Variants in PCDH20 observed in about 807,000 individuals in gnomAD.
The protein encoded by PCDH20 is protocadherin 20.
Under a neutral mutation model 39.7 loss-of-function variants are expected in PCDH20, and 18 were observed. That is an observed-to-expected ratio of 0.45 (90% CI 0.31 to 0.67). The LOEUF (loss-of-function observed/expected upper bound fraction) is 0.67. Among genes scored for constraint, PCDH20 ranks in the 30% least tolerant of loss-of-function variants. PCDH20 has a pLI of 0.05. For synonymous variants in PCDH20, 495 were observed against 455.4 expected (o/e 1.09, Z -1.11); for missense variants, 1,161 against 1,167.4 (o/e 0.99, Z 0.08).
chr13:61,411,876 A>G (rs754820708), exon 2 of PCDH20: 1 of 1,614,118 alleles, frequency 6.2e-7, no homozygotes, highest in Admixed American at 1.7e-5. Flanking sequence ...GAAACAAAAC[A>G]AGAGGAGGGT....
At chr13:61,412,472 T>C in exon 2 of PCDH20, 2 of 1,614,194 alleles carry the variant, frequency 1.2e-6, no homozygotes, top group Non-Finnish European at 1.7e-6. Context: ...TCTTCGATGG[T>C]TAGTTCTATT....
exon 2 of PCDH20, chr13:61,411,013 T>TC: frequency 3.5e-6 from 1 of 287,580 alleles, no homozygotes. Flanking sequence ...TTTTTTTTTT[T>TC]TTTAAATACA....
chr13:61,413,691 G>A, exon 2 of PCDH20: 1 of 1,614,072 alleles, frequency 6.2e-7, no homozygotes, highest in Non-Finnish European at 8.5e-7. Context: ...GCTCCCCAGA[G>A]CGGTTGTCTA....
rs749045849 is a variant in PCDH20 at position 61,413,577 on chromosome 13, G to C, written c.522C>G (p.Asp174Glu). 6 of 1,614,176 alleles carry C rather than the reference G, an allele frequency of 3.7e-6. No homozygotes were observed. The East Asian group carries it at 1.3e-4, about 36-fold the overall frequency. ...GCACATCCAGCAGCAAAAGACAAGA[G>C]TCAGAAGGAGAGGAGGAGATGGAAA... Residue 174 changes from aspartate (D) to glutamate (E), a missense_variant, in exon 2 of 2, where the codon GAC becomes GAG. Around this residue, in one of 3 missense-constraint regions of PCDH20, gnomAD observed 401 missense variants for 368.7 expected, o/e 1.09. Transcript: ENST00000409204.
chr13:61,415,688 G>T (rs1871534485), upstream of PCDH20: 1 of 152,216 alleles, frequency 6.6e-6, no homozygotes, highest in Admixed American at 6.5e-5. Flanking sequence ...TCTCAGCGGA[G>T]GGAAGGAATC....
intron 1 of PCDH20, 42 bp downstream of exon 1, chr13:61,414,985 C>T: frequency 7.3e-7 from 1 of 1,374,100 alleles, no homozygotes; most frequent in Non-Finnish European, 9.5e-7. Context: ...CACAATACTG[C>T]AACTTGTCGG....
exon 2 of PCDH20, chr13:61,411,476 C>T (rs1267076328): frequency 6.2e-7 from 1 of 1,614,082 alleles, no homozygotes; most frequent in Non-Finnish European, 8.5e-7. Context: ...TGAGTCGGTT[C>T]TATTGAGATT....
chr13:61,411,821 G>T, exon 2 of PCDH20: 1 of 1,614,128 alleles, frequency 6.2e-7, no homozygotes, highest in Non-Finnish European at 8.5e-7. Context: ...GGGGAGCCTG[G>T]CAGAGTAGAA....
chr13:61,414,036 G>T (rs1191570245), intron 1 of PCDH20, 70 bp from the exon 2 acceptor site: 13 of 1,355,136 alleles, frequency 9.6e-6, no homozygotes, highest in African/African-American at 1.5e-5. Context: ...AGAAACTAGC[G>T]CCCCTGTGAT....
chr13:61,415,410 G>C (rs990107231), exon 1 of PCDH20: 9 of 374,128 alleles, frequency 2.4e-5, no homozygotes, highest in Non-Finnish European at 3.7e-5. Flanking sequence ...AGACTGCGAA[G>C]AGGCAGCTCG....
At chr13:61,412,936 C>T in exon 2 of PCDH20, 1 of 1,614,176 alleles carries the variant, frequency 6.2e-7, no homozygotes, top group South Asian at 1.1e-5. Context: ...CAGAACACTT[C>T]CTCCAATCTT....
chr13:61,413,227 A>G (rs1341187923), exon 2 of PCDH20: 1 of 1,614,156 alleles, frequency 6.2e-7, no homozygotes, highest in Non-Finnish European at 8.5e-7. Flanking sequence ...ATCCTCAGCT[A>G]TGATGATGCT....
exon 2 of PCDH20, chr13:61,411,825 A>T: frequency 6.2e-7 from 1 of 1,614,170 alleles, no homozygotes; most frequent in Non-Finnish European, 8.5e-7. Flanking sequence ...AGCCTGGCAG[A>T]GTAGAAGGCA....
exon 2 of PCDH20, chr13:61,413,808 C>T: frequency 6.2e-7 from 1 of 1,613,166 alleles, no homozygotes; most frequent in Non-Finnish European, 8.5e-7. Flanking sequence ...GGTCCGGCCT[C>T]CCTGCAGACC....
At chr13:61,411,293 T>C in exon 2 of PCDH20, 1 of 1,614,062 alleles carries the variant, frequency 6.2e-7, no homozygotes, top group South Asian at 1.1e-5. Flanking sequence ...TGCAAGTCAA[T>C]TTTTCCTTTC....
At chr13:61,415,126 C>A in exon 1 of PCDH20, 1 of 1,515,268 alleles carries the variant, frequency 6.6e-7, no homozygotes, top group Non-Finnish European at 8.9e-7. Context: ...CTCCCAGGGC[C>A]TGTGAGCTGC....
At chr13:61,415,240 G>A (rs1566224283) in exon 1 of PCDH20, 3 of 1,282,192 alleles carry the variant, frequency 2.3e-6, no homozygotes, top group Middle Eastern at 3.0e-4. Flanking sequence ...AATCGCTGGG[G>A]GAACTTCAGC....
In PCDH20 at chr13:61,411,352, C is replaced by T. The variant is rs777669673; in HGVS notation, c.2747G>A (p.Gly916Glu). Residue 916 changes from glycine (G) to glutamate (E), a missense_variant, in exon 2 of 2, where the codon GGG becomes GAG. By Grantham distance (98) the Gly-to-Glu change is moderately conservative. Transcript: ENST00000409204. ...TTCATCTTCCCTGGGATGCTTTTCC[C>T]CTTTCCTTAAACAGATGTATATGCC... The T allele has an allele frequency of 9.3e-6, 15 of 1,613,902 alleles. No individual in the cohort carries two copies. In the East Asian group the frequency reaches 2.7e-4, roughly 29 times the overall value.
exon 2 of PCDH20, chr13:61,413,007 T>C (rs2138019509): frequency 6.2e-7 from 1 of 1,614,168 alleles, no homozygotes; most frequent in Non-Finnish European, 8.5e-7. Context: ...TAGATGCTTG[T>C]GGAACTTTCT....
Sources: allele counts gnomAD v4.1 joint callset, GRCh38; gene constraint gnomAD v4.1.1; regional missense constraint gnomAD v4.1.1; transcripts MANE v1.5; gene names NCBI Gene and HGNC (gene_info 2026-07-23, HGNC 2026-07-21).